Variants in NCKAP1 observed in about 807,000 individuals in gnomAD.
The protein encoded by NCKAP1 is nck-associated protein 1.
In NCKAP1, 21 loss-of-function variants were observed where a neutral mutation model predicts 151.2. That is an observed-to-expected ratio of 0.14 (90% confidence interval 0.10 to 0.20). NCKAP1 has a LOEUF of 0.20. Ranked by LOEUF, NCKAP1 falls within the 10% of genes least tolerant of loss-of-function variation. The pLI, the probability that NCKAP1 is intolerant of heterozygous loss-of-function variation, is 1.00. For missense variants in NCKAP1, 933 were observed against 1,352.1 expected (o/e 0.69, Z 4.86); for synonymous variants, 484 against 451.8 (o/e 1.07, Z -0.90).
At chr2:182,974,079 C>CTA (rs1284324630) in intron 15 of NCKAP1, among the ~76,000 whole-genome samples, 1 of 151,988 alleles carries the variant, frequency 6.6e-6, no homozygotes. Context: ...ATCCTACAGT[C>CTA]TAATCTGTAG....
At chr2:182,977,345 C>T (rs1336640297) in intron 14 of NCKAP1, among the ~76,000 whole-genome samples, 1 of 151,992 alleles carries the variant, frequency 6.6e-6, no homozygotes, top group Non-Finnish European at 1.5e-5. Flanking sequence ...CAAAAATTAG[C>T]TGGGTGTGGT....
intron 1 of NCKAP1, among the ~76,000 whole-genome samples, chr2:183,028,194 A>G (rs1416384660): frequency 6.6e-6 from 1 of 152,062 alleles, no homozygotes; most frequent in Non-Finnish European, 1.5e-5. Flanking sequence ...ACCAAAAAAA[A>G]AACTTTTTCA....
chr2:182,910,954 C>CCCCG lies in NCKAP1; in HGVS notation c.*14747_*14748insCGGG, dbSNP rs1553507029. On this transcript the variant is annotated 3_prime_UTR_variant, in exon 31 of 31. Coordinates refer to ENST00000361354, the MANE Select transcript of NCKAP1 (RefSeq NM_013436.5). ...AATAAAAATAAAATCCTAAGCTCCCCCCCCACATTTGACTAAACAGACCCT... is the reference window on the plus strand; with the variant it reads ...AATAAAAATAAAATCCTAAGCTCCCCCCCGCCCCACATTTGACTAAACAGACCCT... 1 of 147,146 alleles carries CCCCG rather than the reference C, an allele frequency of 6.8e-6. No homozygotes were observed. The highest frequency in any genetic ancestry group is 2.5e-5 in the African/African-American group (1 of 40,498). 9.1% of individuals were successfully genotyped at this position (147,146 alleles called of 1,614,324 possible). A position where few individuals can be genotyped will look rare whatever the true frequency, so the allele number is the denominator to read the frequency against.
chr2:182,995,758 C>G lies in NCKAP1; in HGVS notation c.684G>C (p.Gln228His). The G allele has an allele frequency of 1.2e-6, 2 of 1,613,758 alleles. No individual in the cohort carries two copies. The highest frequency in any genetic ancestry group is 1.7e-6 in the Non-Finnish European group (2 of 1,179,700). Reference protein sequence around the residue: ...NLSADQWRNAQLLSLISAPST... With the variant: ...NLSADQWRNAHLLSLISAPST... ...TAGGTGCACTGATGAGGCTCAATAA[C>G]TGGGCATTTCTCCACTGGTCAGCTG... The change falls in exon 7 of 31, where the codon CAG (glutamine) becomes CAC (histidine). Residue 228 changes from glutamine to histidine, a missense_variant. Physicochemically the swap from Gln to His is conservative, Grantham distance 24. This residue lies in a region of NCKAP1 where 607 missense variants were observed against 795.0 expected (regional missense o/e 0.76). Coordinates refer to ENST00000361354, the MANE Select transcript of NCKAP1 (RefSeq NM_013436.5).
chr2:182,942,329 ATTAT>A (rs772426384), intron 23 of NCKAP1, among the ~76,000 whole-genome samples, 166 bp from the exon 24 acceptor site: 2 of 152,178 alleles, frequency 1.3e-5, no homozygotes, highest in Admixed American at 1.3e-4. Context: ...GCATCTGAAA[ATTAT>A]TTATATAAGC....
At position 182,944,350 on chromosome 2, in the gene NCKAP1, A is replaced by G. The variant is rs1575020973; in HGVS notation, c.2602-2187T>C. On this transcript the variant is annotated intron_variant, in intron 23 of 30. Coordinates refer to ENST00000361354, the MANE Select transcript of NCKAP1 (RefSeq NM_013436.5). Reference sequence around the variant, plus strand: ...AAAAAGAAAGTGTTAAATTCTTGGCAAAATTCATATTTAAATTTCCTACTT... The same window carrying G: ...AAAAAGAAAGTGTTAAATTCTTGGCGAAATTCATATTTAAATTTCCTACTT... 2.0e-5 allele frequency among the ~76,000 whole-genome samples: 3 copies of G among 152,328 alleles called. No individual in the cohort carries two copies. The East Asian group carries it at 5.8e-4, about 29-fold the overall frequency.
intron 23 of NCKAP1, among the ~76,000 whole-genome samples, chr2:182,948,939 C>CA (rs927248515): frequency 2.5e-4 from 38 of 150,642 alleles, no homozygotes; most frequent in Middle Eastern, 3.4e-3. Context: ...AGAGTGACAA[C>CA]AAAAAAAACA....
intron 2 of NCKAP1, among the ~76,000 whole-genome samples, chr2:183,009,998 T>C (rs1231919053): frequency 3.3e-5 from 5 of 152,232 alleles, no homozygotes; most frequent in Non-Finnish European, 7.3e-5. Flanking sequence ...CTGTTTCACT[T>C]TATAATTAAG....
chr2:182,935,861 C>A (rs893448065), intron 24 of NCKAP1, among the ~76,000 whole-genome samples: 1 of 152,020 alleles, frequency 6.6e-6, no homozygotes, highest in Admixed American at 6.6e-5. Context: ...ACAAAAAATG[C>A]CTGTTGAGAA....
Position 182,919,539 on chromosome 2 carries a change from A to G in NCKAP1, c.*6163T>C, listed in dbSNP as rs1208323918. 1 of 152,220 alleles carries G rather than the reference A, an allele frequency of 6.6e-6. No individual in the cohort carries two copies. Among genetic ancestry groups the G allele is most frequent in the Non-Finnish European group, 1.5e-5 (1 of 68,040 alleles). The allele number at this position is 152,220 out of a possible 1,614,324, so 9.4% of individuals were successfully genotyped here. A position where few individuals can be genotyped will look rare whatever the true frequency, so the allele number is the denominator to read the frequency against. ...TGGATATTTCCTCTCAAATAAAGAT[A>G]AACATTCTATATGTAACTTGGAGTG... On this transcript the variant is annotated 3_prime_UTR_variant, in exon 31 of 31. Transcript: ENST00000361354.
At chr2:182,965,491 CCAG>C (rs1697551542) in intron 16 of NCKAP1, among the ~76,000 whole-genome samples, 1 of 151,754 alleles carries the variant, frequency 6.6e-6, no homozygotes, top group South Asian at 2.1e-4. Context: ...ACCCAGCCTG[CCAG>C]CAGTTTTAAT....
At chr2:182,965,014 T>G (rs955298093) in intron 16 of NCKAP1, among the ~76,000 whole-genome samples, 2 of 152,104 alleles carry the variant, frequency 1.3e-5, no homozygotes, top group Non-Finnish European at 2.9e-5. Flanking sequence ...AATAACAACA[T>G]TTTAAAAAAT....
intron 23 of NCKAP1, among the ~76,000 whole-genome samples, chr2:182,949,013 C>T (rs574473876): frequency 6.6e-6 from 1 of 151,950 alleles, no homozygotes; most frequent in African/African-American, 2.4e-5. Flanking sequence ...ATATTCCACA[C>T]GAGGAAGAGA....
In NCKAP1 at chr2:182,922,966, A is replaced by G. The variant is rs1696575911; in HGVS notation, c.*2736T>C. On this transcript the variant is annotated 3_prime_UTR_variant, in exon 31 of 31. Transcript: ENST00000361354. ...GAGGCGGAGGTTACAGTGAGCCGAG[A>G]TCAGGCCATTGCCCATTTCCTGGGC... 1 of 152,272 alleles carries G rather than the reference A, an allele frequency of 6.6e-6. No homozygotes were observed. Among genetic ancestry groups the G allele is most frequent in the African/African-American group, 2.4e-5 (1 of 41,456 alleles). The allele number at this position is 152,272 out of a possible 1,614,324, so 9.4% of individuals were successfully genotyped here.
At chr2:183,003,197 T>C (rs749164677) in intron 3 of NCKAP1, 36 bp downstream of exon 3, 2 of 1,295,958 alleles carry the variant, frequency 1.5e-6, no homozygotes, top group South Asian at 2.7e-5. Flanking sequence ...TAAATCTACT[T>C]CTGAAGTGTT....
chr2:182,962,113 C>A, intron 18 of NCKAP1, 46 bp downstream of exon 18: 1 of 1,541,760 alleles, frequency 6.5e-7, no homozygotes, highest in Non-Finnish European at 8.8e-7. Context: ...CATTTTCTTG[C>A]CTTCACACAA....
chr2:182,928,890 CTAA>C lies in NCKAP1; in HGVS notation c.2960_2962del (p.Ile987del), dbSNP rs1559069371. On this transcript the variant is annotated inframe_deletion, in exon 28 of 31. Coordinates refer to ENST00000361354, the MANE Select transcript of NCKAP1 (RefSeq NM_013436.5). ...GGCAATTTTATACTCTTCTTCTGGA[CTAA>C]TGTTTTCTAAGAGACAAAAATTAAG... is the stretch of plus-strand genomic sequence containing the variant. The C allele has an allele frequency of 6.3e-7, 1 of 1,596,474 alleles. No homozygotes were observed. The highest frequency in any genetic ancestry group is 2.2e-5 in the East Asian group (1 of 44,604).
rs77103821 is a variant in NCKAP1, at chr2:182,928,329, T to G, written c.3071-103A>C. The G allele has an allele frequency of 1.9e-3, 1,444 of 763,234 alleles. 16 individuals carry two copies. In the African/African-American group the frequency reaches 0.023, roughly 12 times the overall value. The allele number at this position is 763,234 out of a possible 1,614,324, so 47.3% of individuals were successfully genotyped here. Reference sequence around the variant, plus strand: ...CAATCTGCATAAATAGGGGCATAATTAAGAGTAGAGTTGGGACATGACCGG... The same window carrying G: ...CAATCTGCATAAATAGGGGCATAATGAAGAGTAGAGTTGGGACATGACCGG... On this transcript the variant is annotated intron_variant, in intron 28 of 30. Transcript: ENST00000361354.
At chr2:183,037,310 A>G (rs1699121942) in intron 1 of NCKAP1, among the ~76,000 whole-genome samples, 1 of 152,200 alleles carries the variant, frequency 6.6e-6, no homozygotes, top group African/African-American at 2.4e-5. Flanking sequence ...AGTACAGGGG[A>G]AAGAGTAGAA....
Sources: allele counts gnomAD v4.1 joint callset (sites outside exome capture counted in the v4.1 genomes callset), GRCh38; gene constraint gnomAD v4.1.1; regional missense constraint gnomAD v4.1.1; transcripts MANE v1.5; gene names NCBI Gene and HGNC (gene_info 2026-07-23, HGNC 2026-07-21).